The following ZNF423 variants were observed in gnomAD, a reference collection of about 807,000 sequenced individuals.
ZNF423 encodes the protein Ebf-associated zinc finger protein.
Under a neutral mutation model 95.8 loss-of-function variants are expected in ZNF423, and 12 were observed. The observed-to-expected ratio is 0.13, with a 90% confidence interval of 0.08 to 0.20. The LOEUF (loss-of-function observed/expected upper bound fraction) is 0.20. ZNF423 is among the 10% of genes least tolerant of loss of function. ZNF423 has a pLI of 1.00. For missense variants in ZNF423, 1,316 were observed against 1,737.1 expected (o/e 0.76, Z 4.31); for synonymous variants, 749 against 711.9 (o/e 1.05, Z -0.83).
Position 49,492,408 on chromosome 16 carries a change from T to G in ZNF423, c.3850-1104A>C, listed in dbSNP as rs1256998554. 1.3e-5 allele frequency among the ~76,000 whole-genome samples: 2 copies of G among 152,120 alleles called. No homozygotes were observed. The highest frequency in any genetic ancestry group is 2.4e-5 in the African/African-American group (1 of 41,436). ...CAGGGGTCAGCAGAGGCACCGCGTC[T>G]CTCCTGGGCTCGGGTCCGCGGCGAG... On this transcript the variant is annotated intron_variant, in intron 7 of 7. Transcript: ENST00000563137. This position sits in a 1 kb window ranked among gnomAD's most constrained non-coding sequence, Gnocchi z 4.2.
intron 3 of ZNF423, among the ~76,000 whole-genome samples, chr16:49,683,542 G>C (rs2031448883): frequency 6.6e-6 from 1 of 152,134 alleles, no homozygotes; most frequent in South Asian, 2.1e-4. Context: ...CTAGAATTCA[G>C]TTCTCCTGAC....
rs571825949 is a variant in ZNF423 at position 49,851,576 on chromosome 16, T to C, written c.40+4159A>G. Among the ~76,000 whole-genome samples the C allele has an allele frequency of 2.6e-5, 4 of 152,094 alleles. No homozygotes were observed. In the South Asian group the frequency reaches 8.3e-4, roughly 32 times the overall value. ...AGTTTCCTGCCTTCCTGGTTCCCCC[T>C]CCTCCTCCTCCTCTGTTAACACACT... On this transcript the variant is annotated intron_variant, in intron 1 of 7. Transcript: ENST00000563137.
intron 7 of ZNF423, among the ~76,000 whole-genome samples, chr16:49,508,476 C>T (rs1342668498): frequency 7.4e-6 from 1 of 135,886 alleles, no homozygotes; most frequent in Non-Finnish European, 1.5e-5. Flanking sequence ...GCTATGATCA[C>T]ACCATTGCAC....
At chr16:49,515,334 T>C (rs1295956824) in intron 7 of ZNF423, among the ~76,000 whole-genome samples, 1 of 152,246 alleles carries the variant, frequency 6.6e-6, no homozygotes, top group Non-Finnish European at 1.5e-5. Context: ...ACTACTAAAA[T>C]AGTTTCTGGG....
chr16:49,686,159 G>C (rs1006568343), intron 3 of ZNF423, among the ~76,000 whole-genome samples: 3 of 152,174 alleles, frequency 2.0e-5, no homozygotes, highest in Admixed American at 6.5e-5. Context: ...TCCACAGGGG[G>C]AGAGTCCAGG....
intron 7 of ZNF423, among the ~76,000 whole-genome samples, chr16:49,498,768 C>A (rs1335336726): frequency 6.6e-6 from 1 of 152,124 alleles, no homozygotes; most frequent in Non-Finnish European, 1.5e-5. Flanking sequence ...ATCACCTGGG[C>A]AGCCCCTCTC....
chr16:49,664,179 GCAGGGCAGGCGA>G (rs2030406995), intron 3 of ZNF423: 14 of 985,390 alleles, frequency 1.4e-5, no homozygotes, highest in Non-Finnish European at 1.7e-5. Context: ...GCACCCGGCG[GCAGGGCAGGCGA>G]GGGCTGGAGA....
intron 2 of ZNF423, among the ~76,000 whole-genome samples, chr16:49,768,779 ACCCAAAACACATCTTGGT>A (rs1355322265): frequency 8.6e-5 from 13 of 151,966 alleles, no homozygotes; most frequent in African/African-American, 3.1e-4. Context: ...CACTCATGGC[ACCCAAAACACATCTTGGT>A]CCCATCCTCC....
chr16:49,506,898 T>C (rs1479613533), intron 7 of ZNF423, among the ~76,000 whole-genome samples: 1 of 151,462 alleles, frequency 6.6e-6, no homozygotes. Context: ...GATTGGTGAG[T>C]GGATGGATGA....
chr16:49,850,375 G>A (rs931735324), intron 1 of ZNF423, among the ~76,000 whole-genome samples: 5 of 152,164 alleles, frequency 3.3e-5, no homozygotes, highest in East Asian at 3.8e-4. Context: ...GCAAGCTGAC[G>A]GGAATTTGCA....
intron 7 of ZNF423, among the ~76,000 whole-genome samples, chr16:49,514,466 G>GCAAGGGCTGAATCAAATGTTCT (rs1839341854): frequency 2.0e-5 from 3 of 152,118 alleles, no homozygotes; most frequent in African/African-American, 7.2e-5. Context: ...TGGAATCAGG[G>GCAAGGGCTGAATCAAATGTTCT]CAAGGGCTGA....
intron 4 of ZNF423, among the ~76,000 whole-genome samples, chr16:49,632,776 G>A (rs559733885): frequency 5.3e-5 from 8 of 152,302 alleles, no homozygotes; most frequent in African/African-American, 1.9e-4. Flanking sequence ...CACATAGTAG[G>A]GGCTTTCACA....
chr16:49,529,253 T>C (rs1331800046), intron 5 of ZNF423, among the ~76,000 whole-genome samples: 1 of 151,942 alleles, frequency 6.6e-6, no homozygotes, highest in Non-Finnish European at 1.5e-5. Flanking sequence ...AATTCAGATC[T>C]TGCCTCCTGT....
At chr16:49,812,049 G>A (rs115210998) in intron 1 of ZNF423, among the ~76,000 whole-genome samples, 2,231 of 152,334 alleles carry the variant, frequency 0.015, 18 homozygotes, top group Non-Finnish European at 0.019. Context: ...TCAAAACTCC[G>A]CTGAGCACCG....
chr16:49,643,536 C>G (rs1973053225), intron 3 of ZNF423, among the ~76,000 whole-genome samples: 2 of 148,698 alleles, frequency 1.3e-5, no homozygotes, highest in South Asian at 4.5e-4. Context: ...GTGTTTTCAC[C>G]CACAAGGCTT....
At chr16:49,547,255 T>C (rs191007410) in intron 5 of ZNF423, among the ~76,000 whole-genome samples, 1 of 152,090 alleles carries the variant, frequency 6.6e-6, no homozygotes, top group East Asian at 1.9e-4. Flanking sequence ...AAAGAGAGAA[T>C]GCTGAAAGGT....
intron 2 of ZNF423, among the ~76,000 whole-genome samples, chr16:49,771,224 TCA>T (rs1225554710): frequency 1.6e-5 from 2 of 123,952 alleles, no homozygotes; most frequent in Non-Finnish European, 3.2e-5. Context: ...AGAAGGAGTC[TCA>T]CTCTCTCACT....
At chr16:49,605,095 G>A (rs1321049459) in intron 5 of ZNF423, among the ~76,000 whole-genome samples, 2 of 151,964 alleles carry the variant, frequency 1.3e-5, no homozygotes, top group East Asian at 1.9e-4. Context: ...AAATAGTCCC[G>A]GCCCTGGGTC....
intron 3 of ZNF423, among the ~76,000 whole-genome samples, chr16:49,650,255 A>G (rs1215176281): frequency 1.3e-5 from 2 of 152,240 alleles, no homozygotes; most frequent in Non-Finnish European, 2.9e-5. Context: ...CCTGAGGGAC[A>G]GCAGAGCCAT....
Sources: gnomAD v4.1 joint callset for allele counts (sites outside exome capture counted in the v4.1 genomes callset) on GRCh38, gnomAD v4.1.1 for gene constraint, Gnocchi (gnomAD v3.1) non-coding constraint, MANE v1.5 for transcripts, NCBI Gene and HGNC (gene_info 2026-07-23, HGNC 2026-07-21) for gene names.